AXDND1: variants seen among roughly 807,000 people sequenced by gnomAD.
AXDND1 encodes the protein axonemal dynein light chain domain containing 1.
AXDND1 carries 110 observed loss-of-function variants against 137.5 expected under a neutral mutation model. The observed-to-expected ratio is 0.80, with a 90% confidence interval of 0.69 to 0.94. The LOEUF is 0.94. AXDND1 is among the 40% of genes least tolerant of loss of function. The pLI is 0.00. For missense variants in AXDND1, 1,191 were observed against 1,169.8 expected, an observed-to-expected ratio of 1.02 and a Z score of -0.26; for synonymous variants, 414 against 399.7, an observed-to-expected ratio of 1.04 and a Z score of -0.43.
chr1:179,523,944 G>A (rs1670304558), intron 21 of AXDND1, among the ~76,000 whole-genome samples: 1 of 152,054 alleles, frequency 6.6e-6, no homozygotes. Flanking sequence ...TCCCACTTAT[G>A]AGTGAGAACG....
intron 21 of AXDND1, among the ~76,000 whole-genome samples, chr1:179,523,953 C>T (rs375146572): frequency 9.2e-5 from 14 of 152,164 alleles, no homozygotes; most frequent in East Asian, 5.8e-4. Context: ...TGAGTGAGAA[C>T]GTACAATATT....
chr1:179,430,666 T>A, intron 14 of AXDND1, 60 bp downstream of exon 14: 16 of 1,523,920 alleles, frequency 1.0e-5, no homozygotes, highest in Non-Finnish European at 1.4e-5. Flanking sequence ...TCAGTCAAAT[T>A]CTCTGTGTTC....
chr1:179,401,445 C>T (rs1419043971), intron 11 of AXDND1, among the ~76,000 whole-genome samples: 1 of 152,038 alleles, frequency 6.6e-6, no homozygotes, highest in Non-Finnish European at 1.5e-5. Flanking sequence ...CAGCCTATTC[C>T]TGTGCTTTCT....
chr1:179,379,551 T>C, intron 6 of AXDND1, 69 bp downstream of exon 6: 5 of 1,565,964 alleles, frequency 3.2e-6, no homozygotes, highest in Non-Finnish European at 4.3e-6. Context: ...CCCAGCACTT[T>C]GCGAGGCCAA....
chr1:179,548,478 T>C (rs1672848142), intron 25 of AXDND1, among the ~76,000 whole-genome samples: 1 of 152,190 alleles, frequency 6.6e-6, no homozygotes, highest in Non-Finnish European at 1.5e-5. Flanking sequence ...AGTGCTGTAA[T>C]ATCTTTCCAA....
intron 16 of AXDND1, chr1:179,450,787 G>GA (rs1049249128): frequency 8.5e-5 from 13 of 152,566 alleles, no homozygotes; most frequent in African/African-American, 3.1e-4. Flanking sequence ...AACATAGTGA[G>GA]ATCCTGTACA....
At chr1:179,367,400 A>G (rs1480077800) in intron 2 of AXDND1, among the ~76,000 whole-genome samples, 1 of 151,862 alleles carries the variant, frequency 6.6e-6, no homozygotes, top group African/African-American at 2.4e-5. Context: ...CTGTAGTCCC[A>G]GCTACTCAGG....
At chr1:179,487,912 C>T (rs566224795) in intron 18 of AXDND1, among the ~76,000 whole-genome samples, 1 of 142,592 alleles carries the variant, frequency 7.0e-6, no homozygotes, top group Non-Finnish European at 1.5e-5. Flanking sequence ...GAGAGGATCT[C>T]TTGTGCCTGG....
At chr1:179,495,574 A>AT (rs986788897) in intron 20 of AXDND1, among the ~76,000 whole-genome samples, 2 of 151,738 alleles carry the variant, frequency 1.3e-5, no homozygotes, top group African/African-American at 4.8e-5. Flanking sequence ...CCTTCTAAGA[A>AT]TTTTTTTTAT....
At chr1:179,380,786 A>G (rs1158357030) in intron 6 of AXDND1, among the ~76,000 whole-genome samples, 2 of 152,142 alleles carry the variant, frequency 1.3e-5, no homozygotes, top group African/African-American at 4.8e-5. Context: ...TTTTTGGGTA[A>G]CCTTTTATTT....
intron 23 of AXDND1, 63 bp from the exon 24 acceptor site, chr1:179,533,732 A>C (rs1671250103): frequency 7.6e-7 from 1 of 1,320,270 alleles, no homozygotes; most frequent in African/African-American, 1.4e-5. Context: ...GAACATCCTA[A>C]AAAAGTAGAA....
In AXDND1 at chr1:179,518,930, A is replaced by T. The variant is rs13374433; in HGVS notation, c.2497-6404A>T. Among the ~76,000 whole-genome samples, 852 of 152,196 alleles carry T rather than the reference A, an allele frequency of 5.6e-3. 8 individuals carry two copies. The highest frequency in any genetic ancestry group is 0.02 in the African/African-American group (819 of 41,518). ...AGTAATGGGATTGCTGGGTCAAATGATATTTCTGTCTTTAGATCTTTGAAG... is the reference window on the plus strand; with the variant it reads ...AGTAATGGGATTGCTGGGTCAAATGTTATTTCTGTCTTTAGATCTTTGAAG... On this transcript the variant is annotated intron_variant, in intron 21 of 25. Transcript: ENST00000367618.
chr1:179,477,033 T>C (rs1459703443), intron 17 of AXDND1, among the ~76,000 whole-genome samples: 1 of 151,172 alleles, frequency 6.6e-6, no homozygotes, highest in African/African-American at 2.4e-5. Context: ...TTCATTCTTT[T>C]TCCTCTTTAT....
chr1:179,367,557 T>C lies in AXDND1; in HGVS notation c.97+951T>C, dbSNP rs534284845. Among the ~76,000 whole-genome samples, 60 of 150,320 alleles carry C rather than the reference T, an allele frequency of 4.0e-4. No homozygotes were observed. In the East Asian group the frequency reaches 9.9e-3, roughly 25 times the overall value. ...TTTGAGACCAGCCTGACCAACGTGG[T>C]GAAACCCGGTCTCTACTAAAAATAC... On this transcript the variant is annotated intron_variant, in intron 2 of 25. Coordinates refer to ENST00000367618, the MANE Select transcript of AXDND1 (RefSeq NM_144696.6).
chr1:179,465,475 C>A (rs1662996004), intron 16 of AXDND1, among the ~76,000 whole-genome samples: 1 of 152,228 alleles, frequency 6.6e-6, no homozygotes, highest in Non-Finnish European at 1.5e-5. Flanking sequence ...CTGATCCTTT[C>A]TCTGGAAGCC....
intron 20 of AXDND1, among the ~76,000 whole-genome samples, chr1:179,493,394 T>C (rs1667131070): frequency 6.6e-6 from 1 of 152,246 alleles, no homozygotes; most frequent in African/African-American, 2.4e-5. Context: ...ACAATTTATT[T>C]AGTCTCTGTT....
chr1:179,452,479 G>A (rs575650135), intron 16 of AXDND1: 1 of 146,420 alleles, frequency 6.8e-6, no homozygotes, highest in Non-Finnish European at 1.5e-5. Context: ...ATGAGGTCGG[G>A]AGATCGAGAC....
At chr1:179,506,785 A>C in intron 20 of AXDND1, 1 of 844,820 alleles carries the variant, frequency 1.2e-6, no homozygotes, top group Non-Finnish European at 1.4e-6. Context: ...TGCCCTGTGT[A>C]GTCTGCCATC....
At chr1:179,384,582 C>T (rs1648903725) in intron 8 of AXDND1, among the ~76,000 whole-genome samples, 1 of 152,062 alleles carries the variant, frequency 6.6e-6, no homozygotes, top group South Asian at 2.1e-4. Flanking sequence ...AGTTTCTCAG[C>T]CTTTCTTTGT....
Sources: gnomAD v4.1 joint callset for allele counts (sites outside exome capture counted in the v4.1 genomes callset) on GRCh38, gnomAD v4.1.1 for gene constraint, MANE v1.5 for transcripts, NCBI Gene and HGNC (gene_info 2026-07-23, HGNC 2026-07-21) for gene names.